The following ANO4 variants were observed in gnomAD, a reference collection of about 807,000 sequenced individuals.
ANO4 encodes anoctamin-4.
Under a neutral mutation model 141.9 loss-of-function variants are expected in ANO4, and 69 were observed. That is an observed-to-expected ratio of 0.49 (90% CI 0.40 to 0.59). The LOEUF (loss-of-function observed/expected upper bound fraction) is 0.59, where lower values mean the gene tolerates loss of function less well. Ranked by LOEUF, ANO4 falls within the 20% of genes least tolerant of loss-of-function variation. The pLI, the probability that ANO4 is intolerant of heterozygous loss-of-function variation, is 0.00. For missense variants in ANO4, 894 were observed against 1,162.2 expected (o/e 0.77, Z 3.36); for synonymous variants, 350 against 394.3 (o/e 0.89, Z 1.33).
chr12:101,024,654 T>C (rs2046662672), intron 9 of ANO4, among the ~76,000 whole-genome samples: 1 of 152,144 alleles, frequency 6.6e-6, no homozygotes, highest in Non-Finnish European at 1.5e-5. Context: ...TCCTATTTTT[T>C]CTAACATCTG....
intron 3 of ANO4, among the ~76,000 whole-genome samples, chr12:100,783,202 G>T (rs576036403): frequency 6.6e-6 from 1 of 152,270 alleles, no homozygotes; most frequent in Non-Finnish European, 1.5e-5. Flanking sequence ...GGGTGCTGAT[G>T]GTAGGAGGAC....
At chr12:100,942,965 C>G (rs2042577838) in intron 5 of ANO4, among the ~76,000 whole-genome samples, 1 of 152,200 alleles carries the variant, frequency 6.6e-6, no homozygotes, top group South Asian at 2.1e-4. Context: ...AGGAGACTGC[C>G]TGGCCAATTT....
At position 101,063,901 on chromosome 12, in the gene ANO4, A is replaced by G. The variant is rs75219146; in HGVS notation, c.1313-15292A>G. Among the ~76,000 whole-genome samples, 307 of 151,414 alleles carry G rather than the reference A, an allele frequency of 2.0e-3. 1 individual carries two copies. The highest frequency in any genetic ancestry group is 3.6e-3 in the Non-Finnish European group (243 of 67,842). On this transcript the variant is annotated intron_variant, in intron 14 of 27. Transcript: ENST00000392977. ...ATATTGGTCATTCCTGAAATTGGTAATTAATGTCTTCTCTTTTCCTGTTCA... is the reference window on the plus strand; with the variant it reads ...ATATTGGTCATTCCTGAAATTGGTAGTTAATGTCTTCTCTTTTCCTGTTCA...
chr12:100,908,097 C>T (rs945102083), intron 2 of ANO4, among the ~76,000 whole-genome samples: 8 of 152,190 alleles, frequency 5.3e-5, no homozygotes, highest in Admixed American at 1.3e-4. Flanking sequence ...CGGTGGCTCA[C>T]GCCTGTAATC....
At chr12:100,783,122 A>G (rs774328261) in intron 3 of ANO4, among the ~76,000 whole-genome samples, 1 of 152,100 alleles carries the variant, frequency 6.6e-6, no homozygotes, top group Non-Finnish European at 1.5e-5. Flanking sequence ...GTTATGGGCC[A>G]TCCAGTGTGC....
intron 5 of ANO4, among the ~76,000 whole-genome samples, chr12:100,945,979 G>A (rs562309892): frequency 2.0e-5 from 3 of 152,290 alleles, no homozygotes; most frequent in African/African-American, 7.2e-5. Flanking sequence ...ACAAATATCA[G>A]TAAGTGCTAA....
intron 8 of ANO4, among the ~76,000 whole-genome samples, chr12:101,009,430 A>G (rs1282415867): frequency 6.6e-6 from 1 of 152,156 alleles, no homozygotes; most frequent in Non-Finnish European, 1.5e-5. Flanking sequence ...AGCCCAAGCA[A>G]TGAAGTATAT....
chr12:100,728,929 A>G (rs1286354299), intron 1 of ANO4, among the ~76,000 whole-genome samples: 2 of 151,910 alleles, frequency 1.3e-5, no homozygotes, highest in Non-Finnish European at 1.5e-5. Flanking sequence ...AAGAAACAGA[A>G]CACTTCCAGC....
chr12:100,832,255 C>T (rs1271495279), intron 1 of ANO4, among the ~76,000 whole-genome samples: 1 of 152,064 alleles, frequency 6.6e-6, no homozygotes, highest in Non-Finnish European at 1.5e-5. Flanking sequence ...TCTTATATTT[C>T]AGGGTACCTG....
intron 1 of ANO4, among the ~76,000 whole-genome samples, chr12:100,805,209 C>G (rs936943489): frequency 5.9e-5 from 9 of 152,168 alleles, no homozygotes; most frequent in African/African-American, 1.7e-4. Flanking sequence ...ATAGGACATT[C>G]TTTCCCCATT....
At chr12:100,938,758 A>G (rs780718771) in intron 3 of ANO4, among the ~76,000 whole-genome samples, 16 of 152,168 alleles carry the variant, frequency 1.1e-4, no homozygotes, top group Non-Finnish European at 1.3e-4. Context: ...TCAGGATAAG[A>G]GGAAGAAAAA....
intron 5 of ANO4, among the ~76,000 whole-genome samples, chr12:100,957,742 C>G (rs568153180): frequency 6.6e-6 from 1 of 152,348 alleles, no homozygotes; most frequent in African/African-American, 2.4e-5. Context: ...AGGCGTACAC[C>G]GCCAAGCCCG....
chr12:101,067,526 A>G (rs547775928), intron 14 of ANO4, among the ~76,000 whole-genome samples: 1 of 152,306 alleles, frequency 6.6e-6, no homozygotes, highest in East Asian at 1.9e-4. Context: ...TACTAAAAAT[A>G]TAAGAAATTA....
intron 2 of ANO4, among the ~76,000 whole-genome samples, chr12:100,917,456 A>G (rs186366996): frequency 9.8e-5 from 15 of 152,362 alleles, no homozygotes; most frequent in Non-Finnish European, 1.5e-4. Context: ...TTTAGAAATT[A>G]TAACAAAAAG....
At chr12:100,913,813 G>T (rs2041218888) in intron 2 of ANO4, among the ~76,000 whole-genome samples, 1 of 152,210 alleles carries the variant, frequency 6.6e-6, no homozygotes, top group Non-Finnish European at 1.5e-5. Flanking sequence ...TGAGCTGACA[G>T]GCCGATGCAC....
chr12:101,034,630 G>T (rs1352089337), intron 9 of ANO4, among the ~76,000 whole-genome samples: 1 of 151,512 alleles, frequency 6.6e-6, no homozygotes, highest in Non-Finnish European at 1.5e-5. Flanking sequence ...AATGATAAGA[G>T]AAGCCACACA....
At chr12:100,989,621 A>AGATGGATGGATGGATGGATGGATGGATG in intron 8 of ANO4, among the ~76,000 whole-genome samples, 1 of 103,196 alleles carries the variant, frequency 9.7e-6, no homozygotes, top group South Asian at 3.1e-4. Context: ...ATGGATGGAT[A>AGATGGATGGATGGATGGATGGATGGATG]GATGGATGGA....
At chr12:100,794,748 C>G (rs1247136945), upstream of ANO4, 1 of 152,256 alleles carries the variant, frequency 6.6e-6, no homozygotes, top group Non-Finnish European at 1.5e-5. Context: ...GCGTGATGCT[C>G]TGAGACGGTG....
chr12:100,953,693 T>C (rs1425237947), intron 5 of ANO4, among the ~76,000 whole-genome samples: 1 of 152,242 alleles, frequency 6.6e-6, no homozygotes, highest in African/African-American at 2.4e-5. Flanking sequence ...CTATTTCATT[T>C]CAGGAGTTCA....
Sources: allele counts gnomAD v4.1 joint callset (sites outside exome capture counted in the v4.1 genomes callset), GRCh38; gene constraint gnomAD v4.1.1; transcripts MANE v1.5; gene names NCBI Gene and HGNC (gene_info 2026-07-23, HGNC 2026-07-21).